MAST4: variants seen among roughly 807,000 people sequenced by gnomAD.
The protein encoded by MAST4 is microtubule-associated serine/threonine-protein kinase 4.
A neutral mutation model predicts 162.7 loss-of-function variants in MAST4; 89 were observed. The observed-to-expected ratio is 0.55, with a 90% confidence interval of 0.46 to 0.65. The LOEUF (loss-of-function observed/expected upper bound fraction) is 0.65, where lower values mean the gene tolerates loss of function less well. Ranked by LOEUF, MAST4 falls within the 30% of genes least tolerant of loss-of-function variation. The probability of loss-of-function intolerance (pLI) is 0.00; values close to 1 mark genes in which losing one functional copy is unlikely to be tolerated. For missense variants in MAST4, 3,153 were observed against 3,374.0 expected (o/e 0.93, Z 1.62); for synonymous variants, 1,479 against 1,361.1 (o/e 1.09, Z -1.91).
chr5:66,829,067 G>A (rs1757421535), intron 3 of MAST4, among the ~76,000 whole-genome samples: 1 of 152,120 alleles, frequency 6.6e-6, no homozygotes, highest in African/African-American at 2.4e-5. Flanking sequence ...TGAGGAAGCT[G>A]CTTTTGTCAG....
At chr5:66,668,147 A>G (rs1376962838) in intron 1 of MAST4, among the ~76,000 whole-genome samples, 1 of 152,250 alleles carries the variant, frequency 6.6e-6, no homozygotes, top group African/African-American at 2.4e-5. Flanking sequence ...CTGGAAATGT[A>G]AAGAAATAAT....
At chr5:66,749,993 T>C (rs1554048638) in intron 1 of MAST4, among the ~76,000 whole-genome samples, 1 of 151,934 alleles carries the variant, frequency 6.6e-6, no homozygotes, top group Non-Finnish European at 1.5e-5. Context: ...GTGGCAGGGA[T>C]GAGAGAGAGA....
intron 16 of MAST4, among the ~76,000 whole-genome samples, 151 bp downstream of exon 16, chr5:67,132,102 A>T (rs1210032335): frequency 6.6e-6 from 1 of 152,174 alleles, no homozygotes; most frequent in African/African-American, 2.4e-5. Context: ...GGTAATTTGT[A>T]TGTAAAACTT....
chr5:67,071,184 T>A (rs1760935348), intron 5 of MAST4, among the ~76,000 whole-genome samples: 1 of 152,162 alleles, frequency 6.6e-6, no homozygotes, highest in Non-Finnish European at 1.5e-5. Context: ...GCTCTAGAAA[T>A]AGTCTTGTGG....
intron 3 of MAST4, among the ~76,000 whole-genome samples, chr5:66,793,451 A>T (rs1755514832): frequency 6.6e-6 from 1 of 152,210 alleles, no homozygotes. Flanking sequence ...CACAGAAGTC[A>T]TAGTCGTCAA....
chr5:66,682,752 T>TC (rs1242831339), intron 1 of MAST4, among the ~76,000 whole-genome samples: 1 of 152,146 alleles, frequency 6.6e-6, no homozygotes, highest in African/African-American at 2.4e-5. Context: ...CCATTTTTTT[T>TC]CCCCTTAAGA....
chr5:66,749,001 T>G (rs1417572030), intron 1 of MAST4, among the ~76,000 whole-genome samples: 2 of 151,990 alleles, frequency 1.3e-5, no homozygotes, highest in African/African-American at 4.8e-5. Flanking sequence ...TAATAAATGT[T>G]TTTCTATTCT....
chr5:66,863,647 G>A (rs928525304), intron 3 of MAST4, among the ~76,000 whole-genome samples: 4 of 151,614 alleles, frequency 2.6e-5, no homozygotes, highest in African/African-American at 9.7e-5. Context: ...GCTGCCACAC[G>A]TCAGGCCTCT....
chr5:66,785,680 T>C (rs1289163036), intron 2 of MAST4, among the ~76,000 whole-genome samples: 1 of 152,182 alleles, frequency 6.6e-6, no homozygotes, highest in Non-Finnish European at 1.5e-5. Context: ...TTTCTTCCTT[T>C]TGAGACTTGA....
intron 4 of MAST4, among the ~76,000 whole-genome samples, chr5:67,032,252 G>T (rs1755428978): frequency 6.6e-6 from 1 of 152,080 alleles, no homozygotes; most frequent in Non-Finnish European, 1.5e-5. Context: ...GAAGATTCCA[G>T]GATCTTTAGG....
At chr5:66,766,800 C>T (rs534114416) in intron 2 of MAST4, among the ~76,000 whole-genome samples, 5 of 152,208 alleles carry the variant, frequency 3.3e-5, no homozygotes, top group Admixed American at 2.0e-4. Context: ...TTTTGTAGCA[C>T]CATCAAAAGA....
chr5:67,024,867 A>G (rs556642674), intron 4 of MAST4, among the ~76,000 whole-genome samples: 1 of 151,940 alleles, frequency 6.6e-6, no homozygotes, highest in Non-Finnish European at 1.5e-5. Context: ...GTCATCTGGA[A>G]TGAAACAGCG....
intron 6 of MAST4, among the ~76,000 whole-genome samples, chr5:67,090,684 T>C (rs927218464): frequency 2.6e-5 from 4 of 151,318 alleles, no homozygotes; most frequent in Middle Eastern, 3.4e-3. Context: ...ATGTTTGCAA[T>C]TGGGCACCAG....
intron 26 of MAST4, among the ~76,000 whole-genome samples, chr5:67,157,365 G>A (rs1050410744): frequency 6.6e-6 from 1 of 152,222 alleles, no homozygotes; most frequent in African/African-American, 2.4e-5. Context: ...ACAAGAAACA[G>A]AACTGGGCTT....
rs76962333 is a variant in MAST4 at position 66,972,705 on chromosome 5, G to A, written c.674+72723G>A. Among the ~76,000 whole-genome samples, 1,005 of 152,298 alleles carry A rather than the reference G, an allele frequency of 6.6e-3. 5 individuals are homozygous for A. The highest frequency in any genetic ancestry group is 0.012 in the Non-Finnish European group (812 of 68,026). On this transcript the variant is annotated intron_variant, in intron 4 of 28. Transcript: ENST00000403625. ...CCTTCTAGCATGTCTTCCTGCTTTA[G>A]TTCAACCTTTGCCCTCCTATGATCA...
chr5:67,091,122 A>G (rs1479427925), intron 6 of MAST4, among the ~76,000 whole-genome samples: 2 of 152,194 alleles, frequency 1.3e-5, no homozygotes, highest in East Asian at 1.9e-4. Context: ...ATAAAGACAT[A>G]TAGGTAGGTT....
At chr5:66,726,667 C>T (rs1333875727) in intron 1 of MAST4, among the ~76,000 whole-genome samples, 3 of 152,034 alleles carry the variant, frequency 2.0e-5, no homozygotes, top group Non-Finnish European at 4.4e-5. Flanking sequence ...TGGTCCATGG[C>T]CTCTTAGGAC....
intron 1 of MAST4, among the ~76,000 whole-genome samples, chr5:66,670,030 G>A (rs1181545362): frequency 6.6e-6 from 1 of 152,174 alleles, no homozygotes; most frequent in Non-Finnish European, 1.5e-5. Flanking sequence ...GATGTGCCGG[G>A]TTTTCTAATG....
chr5:67,163,737 C>T lies in MAST4; in HGVS notation c.4558C>T (p.Arg1520Cys), dbSNP rs1372922287. 2 of 1,608,952 alleles carry T rather than the reference C, an allele frequency of 1.2e-6. No individual in the cohort carries two copies. The highest frequency in any genetic ancestry group is 1.1e-5 in the South Asian group (1 of 90,244). Residue 1520 changes from arginine (R) to cysteine (C), a missense_variant, in exon 29 of 29, where the codon CGC becomes TGC. Arg to Cys is a radical substitution (Grantham distance 180, BLOSUM62 -3). Around this residue, in one of 7 missense-constraint regions of MAST4, gnomAD observed 1,644 missense variants for 1,495.0 expected, o/e 1.10. Coordinates refer to ENST00000403625, the MANE Select transcript of MAST4 (RefSeq NM_001164664.2). This position sits in a 1 kb window ranked among gnomAD's most constrained non-coding sequence, Gnocchi z 7.0. ...ACGCCCAGTCTCCCGGAAGGTGGGC[C>T]GCCAGGAGTCTGTGGACGACCTGGA... is the stretch of plus-strand genomic sequence containing the variant. ...LKRPVSRKVG[R>C]QESVDDLDRD... is the part of the protein sequence containing the mutation.
Sources: allele counts gnomAD v4.1 joint callset (sites outside exome capture counted in the v4.1 genomes callset), GRCh38; gene constraint gnomAD v4.1.1; regional missense constraint gnomAD v4.1.1; non-coding constraint Gnocchi (gnomAD v3.1); transcripts MANE v1.5; gene names NCBI Gene and HGNC (gene_info 2026-07-23, HGNC 2026-07-21).